The following TENM2 variants were observed in gnomAD, a reference collection of about 807,000 sequenced individuals.
TENM2 encodes the protein teneurin transmembrane protein 2.
TENM2 carries 52 observed loss-of-function variants against 245.2 expected under a neutral mutation model. That is an observed-to-expected ratio of 0.21 (90% confidence interval 0.17 to 0.27). TENM2 has a LOEUF of 0.27. Among genes scored for constraint, TENM2 ranks in the 10% least tolerant of loss-of-function variants. The pLI is 1.00. For missense variants in TENM2, 3,046 were observed against 3,666.8 expected, an observed-to-expected ratio of 0.83 and a Z score of 4.37; for synonymous variants, 1,363 against 1,438.9, an observed-to-expected ratio of 0.95 and a Z score of 1.19.
chr5:167,317,604 A>G (rs1432472735), intron 1 of TENM2, among the ~76,000 whole-genome samples: 1 of 152,204 alleles, frequency 6.6e-6, no homozygotes, highest in Non-Finnish European at 1.5e-5. Context: ...GCAATCTCTT[A>G]GGCACTGCCT....
intron 2 of TENM2, among the ~76,000 whole-genome samples, chr5:167,541,161 A>G (rs887824936): frequency 1.3e-5 from 2 of 152,200 alleles, no homozygotes; most frequent in East Asian, 1.9e-4. Context: ...TTAAGCATCA[A>G]TCCCTTCTTC....
At chr5:168,152,532 GAAATTGGATGGTTAAAAATAAC>G (rs1302445295) in intron 12 of TENM2, among the ~76,000 whole-genome samples, 2 of 152,186 alleles carry the variant, frequency 1.3e-5, no homozygotes, top group African/African-American at 4.8e-5. Flanking sequence ...AGTGGGTGTA[GAAATTGGATGGTTAAAAATAAC>G]AAATAAGAAA....
intron 1 of TENM2, among the ~76,000 whole-genome samples, chr5:167,361,249 A>T (rs1486193792): frequency 1.2e-4 from 19 of 152,202 alleles, no homozygotes; most frequent in Admixed American, 1.2e-3. Flanking sequence ...GAAAGCGAGC[A>T]ATGAGTATCA....
In TENM2 at chr5:167,460,600, C is replaced by A. The variant is rs552321556; in HGVS notation, c.502+85127C>A. 1.6e-3 allele frequency among the ~76,000 whole-genome samples: 182 copies of A among 114,096 alleles called. 1 individual carries two copies. The highest frequency in any genetic ancestry group is 5.8e-3 in the African/African-American group (178 of 30,654). 74.9% of individuals were successfully genotyped at this position (114,096 alleles called of 152,430 possible). A position where few individuals can be genotyped will look rare whatever the true frequency, so the allele number is the denominator to read the frequency against. On this transcript the variant is annotated intron_variant, in intron 2 of 28. Coordinates refer to ENST00000518659, the Ensembl canonical transcript of TENM2. The stretch of plus-strand genomic sequence containing the variant: ...GATATTTTTAGAAATAATGGCAAAA[C>A]GTCTTTTTTTTTTTTCTCCCTTCTG...
At chr5:167,204,416 T>C in the TENM2 span, among the ~76,000 whole-genome samples, 1 of 152,042 alleles carries the variant, frequency 6.6e-6, no homozygotes, top group Admixed American at 6.6e-5. Flanking sequence ...GGACCAGAGG[T>C]GAGAAAATCT....
chr5:168,076,368 G>A (rs1419661279), intron 7 of TENM2, among the ~76,000 whole-genome samples: 1 of 151,902 alleles, frequency 6.6e-6, no homozygotes, highest in Non-Finnish European at 1.5e-5. Flanking sequence ...TGGGACTACA[G>A]GTGCACCCCA....
Position 167,626,884 on chromosome 5 carries a change from G to A in TENM2, c.503-249102G>A, listed in dbSNP as rs145477385. On this transcript the variant is annotated intron_variant, in intron 2 of 28. Coordinates refer to ENST00000518659, the Ensembl canonical transcript of TENM2. ...CCCCAAAGGCAGTAACACCGGGGCCGCCACAGTGGTAAGCTCACTGGCCCA... is the reference window on the plus strand; with the variant it reads ...CCCCAAAGGCAGTAACACCGGGGCCACCACAGTGGTAAGCTCACTGGCCCA... 2.6e-3 allele frequency among the ~76,000 whole-genome samples: 393 copies of A among 152,232 alleles called. 5 individuals are homozygous for A. The highest frequency in any genetic ancestry group is 4.7e-4 in the Non-Finnish European group (32 of 68,010).
chr5:167,700,062 C>T (rs932300201), intron 2 of TENM2, among the ~76,000 whole-genome samples: 8 of 152,008 alleles, frequency 5.3e-5, no homozygotes, highest in African/African-American at 1.7e-4. Context: ...TTCTTCAGAC[C>T]TCTTCACAGA....
chr5:167,510,886 C>T (rs1161756998), intron 2 of TENM2, among the ~76,000 whole-genome samples: 2 of 151,770 alleles, frequency 1.3e-5, no homozygotes, highest in South Asian at 4.2e-4. Flanking sequence ...TAAATCATAG[C>T]TTTTTGTCAT....
chr5:168,043,598 C>T (rs1190656433), intron 5 of TENM2, among the ~76,000 whole-genome samples: 1 of 152,206 alleles, frequency 6.6e-6, no homozygotes, highest in Non-Finnish European at 1.5e-5. Context: ...ATGCCATTTC[C>T]TAGTTTCCTT....
At chr5:167,702,550 G>GTATATA (rs1231606702) in intron 2 of TENM2, among the ~76,000 whole-genome samples, 4 of 95,990 alleles carry the variant, frequency 4.2e-5, no homozygotes, top group African/African-American at 5.8e-5. Flanking sequence ...ATGTGTGTGT[G>GTATATA]TGTATATATA....
At chr5:168,209,797 C>A (rs964356513) in intron 19 of TENM2, among the ~76,000 whole-genome samples, 1 of 152,256 alleles carries the variant, frequency 6.6e-6, no homozygotes, top group South Asian at 2.1e-4. Context: ...CTCTCCTGGG[C>A]CTTCTACTAA....
chr5:167,980,537 A>G (rs889069), intron 4 of TENM2, among the ~76,000 whole-genome samples: 6,317 of 152,234 alleles, frequency 0.041, 439 homozygotes, highest in African/African-American at 0.14. Context: ...CAGGTGCCTT[A>G]GGAGCAGAGC....
intron 5 of TENM2, among the ~76,000 whole-genome samples, chr5:168,027,122 C>A (rs188559739): frequency 1.1e-4 from 16 of 151,686 alleles, no homozygotes; most frequent in Admixed American, 8.6e-4. Flanking sequence ...CACACACGTG[C>A]ATGTGAAATG....
the TENM2 span, among the ~76,000 whole-genome samples, chr5:167,059,104 T>C: frequency 6.6e-6 from 1 of 152,320 alleles, no homozygotes; most frequent in East Asian, 1.9e-4. Context: ...ACCTCTGATA[T>C]GATCCATCAT....
At chr5:167,284,344 AT>A (rs2127708337), upstream of TENM2, among the ~76,000 whole-genome samples, 1 of 152,032 alleles carries the variant, frequency 6.6e-6, no homozygotes, top group East Asian at 1.9e-4. Context: ...CCTTTTGTTT[AT>A]TTTTTCTTTT....
chr5:168,115,408 G>GGAAAGGAAA (rs1458782856), intron 9 of TENM2, among the ~76,000 whole-genome samples: 5 of 122,974 alleles, frequency 4.1e-5, no homozygotes, highest in East Asian at 2.6e-4. Context: ...AAGGAAGGAA[G>GGAAAGGAAA]GGAAAGGAAA....
intron 7 of TENM2, among the ~76,000 whole-genome samples, chr5:168,066,216 G>A (rs1790490773): frequency 6.6e-6 from 1 of 152,208 alleles, no homozygotes; most frequent in Non-Finnish European, 1.5e-5. Flanking sequence ...AAGAAAAGGA[G>A]TAGATGGAGA....
At chr5:167,875,203 A>G (rs1015337303) in intron 2 of TENM2, among the ~76,000 whole-genome samples, 1 of 152,168 alleles carries the variant, frequency 6.6e-6, no homozygotes, top group African/African-American at 2.4e-5. Context: ...CAAGAAGACA[A>G]ACATGGAAGG....
Sources: gnomAD v4.1 joint callset for allele counts (sites outside exome capture counted in the v4.1 genomes callset) on GRCh38, gnomAD v4.1.1 for gene constraint, MANE v1.5 for transcripts, NCBI Gene and HGNC (gene_info 2026-07-23, HGNC 2026-07-21) for gene names.